Variants in PIK3CD observed in about 807,000 individuals in gnomAD.
PIK3CD encodes the protein phosphatidylinositol-4,5-bisphosphate 3-kinase catalytic subunit delta.
PIK3CD carries 20 observed loss-of-function variants against 122.9 expected under a neutral mutation model. The observed-to-expected ratio is 0.16, with a 90% CI of 0.11 to 0.24. PIK3CD has a LOEUF of 0.24. PIK3CD is among the 10% of genes least tolerant of loss of function. The pLI, the probability that PIK3CD is intolerant of heterozygous loss-of-function variation, is 1.00. For missense variants in PIK3CD, 787 were observed against 1,406.3 expected (o/e 0.56, Z 7.04); for synonymous variants, 596 against 593.4 (o/e 1.00, Z -0.06).
At chr1:9,716,820 A>G (rs1052689187) in intron 6 of PIK3CD, 139 bp from the exon 7 acceptor site, 14 of 1,292,170 alleles carry the variant, frequency 1.1e-5, no homozygotes, top group Admixed American at 3.4e-5. Context: ...GAGGTGGGGC[A>G]GGAAAAACCA....
chr1:9,654,482 G>A (rs200326868), intron 1 of PIK3CD: 7 of 1,125,280 alleles, frequency 6.2e-6, no homozygotes, highest in Non-Finnish European at 4.6e-6. Flanking sequence ...CAATGGTTGT[G>A]CGAAAGCCAG....
In PIK3CD at chr1:9,720,777, G is replaced by A. The variant is rs1458133976; in HGVS notation, c.1557G>A (p.Gly519=). 1 of 1,612,828 alleles carries A rather than the reference G, an allele frequency of 6.2e-7. No homozygotes were observed. Among genetic ancestry groups the A allele is most frequent in the African/African-American group, 1.3e-5 (1 of 74,868 alleles). The change falls in exon 13 of 24, where the codon GGG becomes GGA. Residue 519 remains glycine (G), a synonymous_variant. Coordinates refer to ENST00000377346, the MANE Select transcript of PIK3CD (RefSeq NM_005026.5). The surrounding 1 kb of genome is among the most constrained non-coding windows in gnomAD (Gnocchi z 9.0). ...LQLREILERR[G]SGELYEHEKD... ...TGCGGGAAATCCTGGAGCGGCGGGG[G>A]TCTGGGGAGCTGTATGAGCACGAGA...
rs1570028054 is a variant in PIK3CD, at chr1:9,651,845, G to A, written c.-138+43G>A. On this transcript the variant is annotated intron_variant, in intron 1 of 23. Transcript: ENST00000377346. ...GCTGCGTCAGGGGAGGTGGGAAGAG[G>A]ACCGCGGCCAGGGGCTTTGGGAGCT... 6 of 152,282 alleles carry A rather than the reference G, an allele frequency of 3.9e-5. No homozygotes were observed. In the South Asian group the frequency reaches 1.2e-3, roughly 31 times the overall value. 9.4% of individuals were successfully genotyped at this position (152,282 alleles called of 1,614,324 possible). A position where few individuals can be genotyped will look rare whatever the true frequency, so the allele number is the denominator to read the frequency against.
rs377020532 is a variant in PIK3CD at position 9,716,002 on chromosome 1, C to T, written c.524C>T (p.Ala175Val). ...TTCCCCCTGCAGCTGGAGCCCTCGG[C>T]TCAAACCTGGGGGCCTGGTACCCTG... ...YSFPLQLEPS[A>V]QTWGPGTLRL... The change falls in exon 5 of 24, where the codon GCT becomes GTT. Residue 175 changes from alanine to valine, a missense_variant. By Grantham distance (64) the Ala-to-Val change is moderately conservative. Transcript: ENST00000377346. 1.9e-6 allele frequency: 3 copies of T among 1,612,624 alleles called. No individual in the cohort carries two copies. Among genetic ancestry groups the T allele is most frequent in the Non-Finnish European group, 2.5e-6 (3 of 1,179,944 alleles).
chr1:9,695,587 T>G (rs1183946432), intron 2 of PIK3CD, among the ~76,000 whole-genome samples: 1 of 152,196 alleles, frequency 6.6e-6, no homozygotes, highest in Non-Finnish European at 1.5e-5. Context: ...CTCACACCTG[T>G]AATCCCGGCA....
In PIK3CD at chr1:9,716,983, G is replaced by A. The variant is rs749549630; in HGVS notation, c.805G>A (p.Gly269Arg). The A allele has an allele frequency of 1.5e-5, 24 of 1,613,854 alleles. No individual in the cohort carries two copies. The highest frequency in any genetic ancestry group is 4.4e-5 in the South Asian group (4 of 91,084). The change falls in exon 7 of 24, where the codon GGG (glycine) becomes AGG (arginine). Residue 269 changes from glycine (G) to arginine (R), a missense_variant. By Grantham distance (125) the Gly-to-Arg change is moderately radical (BLOSUM62 -2). Transcript: ENST00000377346. The stretch of plus-strand genomic sequence containing the variant: ...GTACATCTGCAGCTGCCTGCACAGT[G>A]GGTTGACCCCTCACCTGACCATGGT... ...FQYICSCLHS[G>R]LTPHLTMVHS...
chr1:9,711,455 A>G (rs1557654783), intron 3 of PIK3CD, among the ~76,000 whole-genome samples: 1 of 152,088 alleles, frequency 6.6e-6, no homozygotes, highest in Non-Finnish European at 1.5e-5. Context: ...AATTATTCCA[A>G]TTTCAGCTTT....
In PIK3CD at chr1:9,719,702, G is replaced by C. The variant is rs1648176462; in HGVS notation, c.1243-219G>C. Among the ~76,000 whole-genome samples, 1 of 151,938 alleles carries C rather than the reference G, an allele frequency of 6.6e-6. No homozygotes were observed. Among genetic ancestry groups the C allele is most frequent in the Admixed American group, 6.6e-5 (1 of 15,264 alleles). On this transcript the variant is annotated intron_variant, in intron 9 of 23. Transcript: ENST00000377346. The surrounding 1 kb of genome is among the most constrained non-coding windows in gnomAD (Gnocchi z 5.5). Reference sequence around the variant, plus strand: ...CTGAGTAGGGGTGAGGTGGGAACAGGAGGGTGCAGCAGGTGTCAGCTGGCT... The same window carrying C: ...CTGAGTAGGGGTGAGGTGGGAACAGCAGGGTGCAGCAGGTGTCAGCTGGCT...
In PIK3CD at chr1:9,723,961, C is replaced by T; in HGVS notation, c.2595-8C>T. 1.9e-6 allele frequency: 3 copies of T among 1,614,140 alleles called. No homozygotes were observed. The highest frequency in any genetic ancestry group is 2.5e-6 in the Non-Finnish European group (3 of 1,180,008). On this transcript the variant is annotated splice_region_variant and splice_polypyrimidine_tract_variant and intron_variant, in intron 20 of 23. Coordinates refer to ENST00000377346, the MANE Select transcript of PIK3CD (RefSeq NM_005026.5). The surrounding 1 kb of genome is among the most constrained non-coding windows in gnomAD (Gnocchi z 4.9). ...GTATGGCCATGCTTTTTAATCTTCC[C>T]CACCCAGGGAGGCCCTGGATCGAGC...
chr1:9,715,378 T>C lies in PIK3CD; in HGVS notation c.142-163T>C, dbSNP rs1647257449. ...AGTGGAGAAGCCTGTCCACCCATGG[T>C]CAGCACCCAGGGGGCTGCAGAGAGT... is the stretch of plus-strand genomic sequence containing the variant. On this transcript the variant is annotated intron_variant, in intron 3 of 23. Coordinates refer to ENST00000377346, the MANE Select transcript of PIK3CD (RefSeq NM_005026.5). The surrounding 1 kb of genome is among the most constrained non-coding windows in gnomAD (Gnocchi z 4.1). 6.6e-6 allele frequency among the ~76,000 whole-genome samples: 1 copy of C among 152,148 alleles called. No individual in the cohort carries two copies. The highest frequency in any genetic ancestry group is 1.5e-5 in the Non-Finnish European group (1 of 68,012).
chr1:9,628,194 C>T, the PIK3CD span, among the ~76,000 whole-genome samples: 1 of 152,024 alleles, frequency 6.6e-6, no homozygotes, highest in African/African-American at 2.4e-5. Context: ...CCCAGCTACT[C>T]GGGAGGTTGA....
chr1:9,721,895 C>T lies in PIK3CD; in HGVS notation c.2055+35C>T, dbSNP rs537429466. 1.6e-5 allele frequency: 25 copies of T among 1,611,044 alleles called. No individual in the cohort carries two copies. In the East Asian group the frequency reaches 1.6e-4, roughly 10 times the overall value. ...AAGGCCCTGGGGGGCGGGCAGGGGGCGGCCCTGAGCGTCTGGGAATCCCCA... is the reference window on the plus strand; with the variant it reads ...AAGGCCCTGGGGGGCGGGCAGGGGGTGGCCCTGAGCGTCTGGGAATCCCCA... On this transcript the variant is annotated intron_variant, in intron 16 of 23. Transcript: ENST00000377346.
intron 6 of PIK3CD, 100 bp downstream of exon 6, chr1:9,716,719 C>G: frequency 7.6e-7 from 1 of 1,316,618 alleles, no homozygotes; most frequent in South Asian, 1.3e-5. Flanking sequence ...CTTGAGCCTG[C>G]CGAGCCAGGC....
intron 3 of PIK3CD, among the ~76,000 whole-genome samples, chr1:9,712,420 A>G (rs1249765715): frequency 6.6e-6 from 1 of 151,996 alleles, no homozygotes; most frequent in African/African-American, 2.4e-5. Flanking sequence ...AGCTGGGACT[A>G]CAGGCACGTG....
Position 9,721,577 on chromosome 1 carries a change from T to C in PIK3CD, c.1945T>C (p.Trp649Arg). Residue 649 changes from tryptophan to arginine, a missense_variant, in exon 15 of 24, where the codon TGG becomes CGG. Coordinates refer to ENST00000377346, the MANE Select transcript of PIK3CD (RefSeq NM_005026.5). ...ANRKIGHFLF[W>R]HLRSEMHVPS... Reference sequence around the variant, plus strand: ...CCGCAAGATCGGCCACTTCCTTTTCTGGCACCTCCGGTAGCGGGACTTGCC... The same window carrying C: ...CCGCAAGATCGGCCACTTCCTTTTCCGGCACCTCCGGTAGCGGGACTTGCC... The C allele has an allele frequency of 6.2e-7, 1 of 1,613,312 alleles. No individual in the cohort carries two copies. The highest frequency in any genetic ancestry group is 8.5e-7 in the Non-Finnish European group (1 of 1,180,012).
rs781606420 is a variant in PIK3CD, at chr1:9,721,513, C to T, written c.1881C>T (p.Cys627=). ...QVLKYESYLD[C]ELTKFLLDRA... ...TCAAGTACGAGTCCTACCTGGACTG[C>T]GAGCTGACCAAATTCCTGCTGGACC... is the stretch of plus-strand genomic sequence containing the variant. The change falls in exon 15 of 24, where the codon TGC becomes TGT. Residue 627 remains cysteine, a synonymous_variant. Coordinates refer to ENST00000377346, the MANE Select transcript of PIK3CD (RefSeq NM_005026.5). The T allele has an allele frequency of 1.3e-5, 21 of 1,613,736 alleles. No individual in the cohort carries two copies. In the African/African-American group the frequency reaches 1.3e-4, roughly 10 times the overall value.
upstream of PIK3CD, among the ~76,000 whole-genome samples, chr1:9,647,647 C>T (rs1208252300): frequency 1.3e-5 from 2 of 151,876 alleles, no homozygotes; most frequent in African/African-American, 4.8e-5. Context: ...GCTAAAACTA[C>T]AGGCACATGC....
upstream of PIK3CD, among the ~76,000 whole-genome samples, chr1:9,650,821 A>G (rs1001836314): frequency 4.1e-4 from 55 of 135,094 alleles, no homozygotes; most frequent in Non-Finnish European, 5.4e-4. Flanking sequence ...CCTGATACTA[A>G]TACTTTACCA....
intron 1 of PIK3CD, among the ~76,000 whole-genome samples, chr1:9,686,459 C>T (rs181536717): frequency 5.3e-5 from 8 of 151,970 alleles, no homozygotes; most frequent in Admixed American, 2.0e-4. Context: ...ACCTCGGCCT[C>T]GCAAAGTGCT....
Sources: gnomAD v4.1 joint callset for allele counts (sites outside exome capture counted in the v4.1 genomes callset) on GRCh38, gnomAD v4.1.1 for gene constraint, Gnocchi (gnomAD v3.1) non-coding constraint, MANE v1.5 for transcripts, NCBI Gene and HGNC (gene_info 2026-07-23, HGNC 2026-07-21) for gene names.